Variants in EPB41L2 observed in about 807,000 individuals in gnomAD.
EPB41L2 encodes band 4.1-like protein 2.
EPB41L2 carries 43 observed loss-of-function variants against 113.0 expected under a neutral mutation model. That is an observed-to-expected ratio of 0.38 (90% CI 0.30 to 0.49). The LOEUF is 0.49. Among genes scored for constraint, EPB41L2 ranks in the 20% least tolerant of loss-of-function variants. The pLI is 0.95. For missense variants in EPB41L2, 1,147 were observed against 1,223.4 expected (o/e 0.94, Z 0.93); for synonymous variants, 442 against 436.7 (o/e 1.01, Z -0.15).
chr6:130,862,686 G>A (rs1582797101), intron 18 of EPB41L2, among the ~76,000 whole-genome samples: 1 of 152,160 alleles, frequency 6.6e-6, no homozygotes, highest in African/African-American at 2.4e-5. Context: ...GAATATGTAA[G>A]TCAAATCATA....
intron 1 of EPB41L2, among the ~76,000 whole-genome samples, chr6:130,987,647 C>G (rs2020972): frequency 1.3e-5 from 2 of 151,868 alleles, no homozygotes; most frequent in East Asian, 3.9e-4. Flanking sequence ...AAGCCGAGAT[C>G]GTGCCACAGA....
chr6:130,933,353 A>C (rs2128567193), intron 3 of EPB41L2, among the ~76,000 whole-genome samples: 1 of 152,286 alleles, frequency 6.6e-6, no homozygotes, highest in East Asian at 1.9e-4. Context: ...TGCCAAATAC[A>C]CTTCAAAAAG....
intron 3 of EPB41L2, among the ~76,000 whole-genome samples, chr6:130,945,575 C>T (rs769909098): frequency 6.6e-6 from 1 of 152,154 alleles, no homozygotes; most frequent in Non-Finnish European, 1.5e-5. Flanking sequence ...CACATTCACT[C>T]AAGCTTCCAA....
intron 19 of EPB41L2, among the ~76,000 whole-genome samples, chr6:130,844,397 G>A (rs926298362): frequency 1.5e-4 from 22 of 151,456 alleles, no homozygotes; most frequent in Non-Finnish European, 2.9e-4. Flanking sequence ...GTGAAATCCC[G>A]TCTCTACTAA....
At chr6:130,924,215 ACAC>A (rs1470146745) in intron 4 of EPB41L2, among the ~76,000 whole-genome samples, 1 of 152,320 alleles carries the variant, frequency 6.6e-6, no homozygotes, top group East Asian at 1.9e-4. Context: ...TTGTATGTAT[ACAC>A]CACATTTTCT....
rs536968654 is a variant in EPB41L2 at position 131,000,332 on chromosome 6, T to C, written c.-14-43833A>G. On this transcript the variant is annotated intron_variant, in intron 1 of 19. Coordinates refer to ENST00000337057, the MANE Select transcript of EPB41L2 (RefSeq NM_001431.4). ...GTGCCTATCCAGGAAAGCTCACAAC[T>C]GAGGCATAAAACAAGAAATCCGCTC... Among the ~76,000 whole-genome samples the C allele has an allele frequency of 5.3e-4, 80 of 152,264 alleles. No homozygotes were observed. In the South Asian group the frequency reaches 6.6e-3, roughly 13 times the overall value.
intron 14 of EPB41L2, among the ~76,000 whole-genome samples, chr6:130,874,990 T>C (rs1787049811): frequency 6.6e-6 from 1 of 152,206 alleles, no homozygotes; most frequent in Non-Finnish European, 1.5e-5. Context: ...AAGTCCTCAT[T>C]ATACACATGG....
At chr6:130,962,676 T>A (rs932688925) in intron 1 of EPB41L2, among the ~76,000 whole-genome samples, 4 of 152,046 alleles carry the variant, frequency 2.6e-5, no homozygotes, top group African/African-American at 7.3e-5. Context: ...ATACAAAACA[T>A]ATGAACTACA....
chr6:131,051,937 T>C (rs984461044), intron 1 of EPB41L2, among the ~76,000 whole-genome samples: 9 of 53,202 alleles, frequency 1.7e-4, no homozygotes, highest in African/African-American at 5.6e-4. Context: ...TGTTGATTTT[T>C]TTTTTCTTTT....
At chr6:131,010,050 C>T (rs1584493292) in intron 1 of EPB41L2, among the ~76,000 whole-genome samples, 1 of 152,350 alleles carries the variant, frequency 6.6e-6, no homozygotes, top group East Asian at 1.9e-4. Context: ...AAAGAAACAG[C>T]TTTTCCCACA....
chr6:130,951,693 TTTTCATGG>T (rs1347197138), intron 3 of EPB41L2, among the ~76,000 whole-genome samples: 1 of 152,094 alleles, frequency 6.6e-6, no homozygotes, highest in East Asian at 1.9e-4. Context: ...TGTAGTACTG[TTTTCATGG>T]TTTTGAGTAT....
intron 16 of EPB41L2, 123 bp downstream of exon 16, chr6:130,867,336 A>C (rs1486592662): frequency 1.5e-5 from 19 of 1,243,058 alleles, no homozygotes; most frequent in Non-Finnish European, 2.0e-5. Flanking sequence ...TACACTTACA[A>C]AGTGCAGATA....
In EPB41L2 at chr6:130,853,289, A is replaced by C. The variant is rs553635968; in HGVS notation, c.*5+4842T>G. On this transcript the variant is annotated intron_variant, in intron 19 of 19. Transcript: ENST00000337057. ...GACATCAATTATTACTCTAAGAGTC[A>C]GAGAGGCTCCTGTGAAGTCTGGGTT... is the stretch of plus-strand genomic sequence containing the variant. Among the ~76,000 whole-genome samples, 108 of 152,356 alleles carry C rather than the reference A, an allele frequency of 7.1e-4. 1 individual carries two copies. The South Asian group carries it at 0.02, about 29-fold the overall frequency.
chr6:130,992,739 T>C (rs1236230127), intron 1 of EPB41L2, among the ~76,000 whole-genome samples: 1 of 151,958 alleles, frequency 6.6e-6, no homozygotes, highest in African/African-American at 2.4e-5. Flanking sequence ...CAAGCAATTC[T>C]CCTGCCTCAG....
intron 4 of EPB41L2, among the ~76,000 whole-genome samples, chr6:130,925,178 C>G (rs1223727014): frequency 6.8e-6 from 1 of 146,866 alleles, no homozygotes; most frequent in African/African-American, 2.6e-5. Context: ...TCAAAAATAT[C>G]AGATTTCTTT....
At chr6:131,009,549 T>C (rs986790088) in intron 1 of EPB41L2, among the ~76,000 whole-genome samples, 1 of 152,060 alleles carries the variant, frequency 6.6e-6, no homozygotes, top group South Asian at 2.1e-4. Context: ...AAAAAAATTA[T>C]AGACTTAAAA....
chr6:130,934,478 T>C (rs1483811797), intron 3 of EPB41L2, among the ~76,000 whole-genome samples: 1 of 152,144 alleles, frequency 6.6e-6, no homozygotes, highest in African/African-American at 2.4e-5. Flanking sequence ...AAATACATAT[T>C]TCTCTTTTCT....
intron 1 of EPB41L2, among the ~76,000 whole-genome samples, chr6:131,040,310 G>A (rs562633092): frequency 1.0e-3 from 154 of 152,186 alleles, no homozygotes; most frequent in Non-Finnish European, 1.8e-3. Flanking sequence ...GTGGAGGTGC[G>A]CACCTGTAAT....
chr6:131,023,263 A>G (rs1421603647), intron 1 of EPB41L2, among the ~76,000 whole-genome samples: 1 of 152,244 alleles, frequency 6.6e-6, no homozygotes, highest in African/African-American at 2.4e-5. Context: ...AAACGTTTAT[A>G]AAGACTTCTT....
Sources: allele counts gnomAD v4.1 joint callset (sites outside exome capture counted in the v4.1 genomes callset), GRCh38; gene constraint gnomAD v4.1.1; transcripts MANE v1.5; gene names NCBI Gene and HGNC (gene_info 2026-07-23, HGNC 2026-07-21).